Variants in FAM241A observed in about 807,000 individuals in gnomAD.
The protein encoded by FAM241A is family with sequence similarity 241 member A, also known as uncharacterized protein FAM241A.
A neutral mutation model predicts 12.2 loss-of-function variants in FAM241A; 7 were observed. The observed-to-expected ratio is 0.58, with a 90% confidence interval of 0.33 to 1.08. The LOEUF (loss-of-function observed/expected upper bound fraction) is 1.08. Among genes scored for constraint, FAM241A ranks in the 50% least tolerant of loss-of-function variants. The probability of loss-of-function intolerance (pLI) is 0.04; values close to 1 mark genes in which losing one functional copy is unlikely to be tolerated. For missense variants in FAM241A, 161 were observed against 169.7 expected, an observed-to-expected ratio of 0.95 and a Z score of 0.29; for synonymous variants, 74 against 68.2, an observed-to-expected ratio of 1.08 and a Z score of -0.42.
At chr4:112,159,641 A>G (rs1723420766) in intron 1 of FAM241A, among the ~76,000 whole-genome samples, 1 of 147,224 alleles carries the variant, frequency 6.8e-6, no homozygotes, top group South Asian at 2.1e-4. Flanking sequence ...CAAATCAATC[A>G]ATGTGATGTA....
At chr4:112,161,393 A>G (rs1723465522) in intron 1 of FAM241A, among the ~76,000 whole-genome samples, 1 of 152,222 alleles carries the variant, frequency 6.6e-6, no homozygotes. Context: ...GAAAAGATCA[A>G]CAAAATTGAT....
Position 112,145,585 on chromosome 4 carries a change from G to A in FAM241A, c.5G>A (p.Cys2Tyr). Residue 2 changes from cysteine to tyrosine, a missense_variant, in exon 1 of 2, where the codon TGC becomes TAC. Coordinates refer to ENST00000309733, the MANE Select transcript of FAM241A (RefSeq NM_152400.3). ...GCGGTAGGAGTTGGCTGCGGGATGT[G>A]CTCAGCCGGGGAGCTGCTGCGGGGC... The part of the protein sequence containing the change: M[C>Y]SAGELLRGGD... 8.0e-7 allele frequency: 1 copy of A among 1,248,108 alleles called. No homozygotes were observed. The highest frequency in any genetic ancestry group is 3.2e-4 in the Middle Eastern group (1 of 3,146). The allele number at this position is 1,248,108 out of a possible 1,614,324, so 77.3% of individuals were successfully genotyped here.
intron 1 of FAM241A, among the ~76,000 whole-genome samples, chr4:112,165,350 C>T (rs1723572085): frequency 6.6e-6 from 1 of 152,102 alleles, no homozygotes; most frequent in African/African-American, 2.4e-5. Context: ...TTTGGAGGTT[C>T]CTCAAAAAAC....
chr4:112,194,045 C>T lies in FAM241A; in HGVS notation c.*7107C>T, dbSNP rs1344372406. 7.0e-6 allele frequency: 1 copy of T among 143,624 alleles called. No homozygotes were observed. Among genetic ancestry groups the T allele is most frequent in the Non-Finnish European group, 1.5e-5 (1 of 66,430 alleles). 8.9% of individuals were successfully genotyped at this position (143,624 alleles called of 1,614,324 possible). A position where few individuals can be genotyped will look rare whatever the true frequency, so the allele number is the denominator to read the frequency against. ...TCATTGAGCAGTGGTTTGTAGTTCT[C>T]CTTGAAGAGGTCCTTCACGTCCCTT... On this transcript the variant is annotated 3_prime_UTR_variant, in exon 2 of 2. Coordinates refer to ENST00000309733, the MANE Select transcript of FAM241A (RefSeq NM_152400.3).
chr4:112,172,781 A>G (rs1723749359), intron 1 of FAM241A, among the ~76,000 whole-genome samples: 1 of 152,264 alleles, frequency 6.6e-6, no homozygotes, highest in Non-Finnish European at 1.5e-5. Context: ...TTAAAGCCAA[A>G]TAATTATAAA....
intron 1 of FAM241A, among the ~76,000 whole-genome samples, chr4:112,147,143 A>AC (rs1456672249): frequency 6.6e-6 from 1 of 152,252 alleles, no homozygotes; most frequent in African/African-American, 2.4e-5. Context: ...GATTATGTAG[A>AC]CATCACTAAT....
chr4:112,160,313 G>A (rs559771226), intron 1 of FAM241A, among the ~76,000 whole-genome samples: 4 of 150,820 alleles, frequency 2.7e-5, no homozygotes, highest in South Asian at 4.2e-4. Context: ...AGGCCGAGAC[G>A]AGAATCACTT....
At chr4:112,165,140 G>T (rs559976100) in intron 1 of FAM241A, among the ~76,000 whole-genome samples, 4 of 152,216 alleles carry the variant, frequency 2.6e-5, no homozygotes, top group Admixed American at 1.3e-4. Flanking sequence ...TGGCAAACAG[G>T]CATATGAAAA....
At chr4:112,153,740 C>G (rs1179656541) in intron 1 of FAM241A, among the ~76,000 whole-genome samples, 1 of 152,156 alleles carries the variant, frequency 6.6e-6, no homozygotes, top group Non-Finnish European at 1.5e-5. Flanking sequence ...GGCTTTATTT[C>G]TTGCTGTTTT....
intron 1 of FAM241A, among the ~76,000 whole-genome samples, chr4:112,184,369 A>ACT (rs1352874388): frequency 6.6e-6 from 1 of 152,194 alleles, no homozygotes; most frequent in African/African-American, 2.4e-5. Context: ...GTCTCTAGTA[A>ACT]ATACAAAAGA....
At chr4:112,179,756 T>C (rs1723891634) in intron 1 of FAM241A, among the ~76,000 whole-genome samples, 8 of 149,676 alleles carry the variant, frequency 5.3e-5, no homozygotes, top group Admixed American at 5.3e-4. Context: ...GGGCTACCAT[T>C]TGACCCAGCA....
intron 1 of FAM241A, among the ~76,000 whole-genome samples, chr4:112,173,052 T>TAA (rs1388380042): frequency 6.6e-6 from 1 of 152,140 alleles, no homozygotes; most frequent in African/African-American, 2.4e-5. Flanking sequence ...CATACCCCGC[T>TAA]AACTTCTGTA....
At chr4:112,150,325 G>A (rs1377709295) in intron 1 of FAM241A, among the ~76,000 whole-genome samples, 1 of 151,966 alleles carries the variant, frequency 6.6e-6, no homozygotes, top group Non-Finnish European at 1.5e-5. Flanking sequence ...GTGGTTTCTA[G>A]CTATTGGCTT....
chr4:112,167,240 T>G (rs1454664778), intron 1 of FAM241A, among the ~76,000 whole-genome samples: 1 of 152,062 alleles, frequency 6.6e-6, no homozygotes, highest in Non-Finnish European at 1.5e-5. Context: ...TTAGAGAAGA[T>G]GAACTCTCCA....
At chr4:112,166,475 T>C (rs555279446) in intron 1 of FAM241A, among the ~76,000 whole-genome samples, 1 of 152,212 alleles carries the variant, frequency 6.6e-6, no homozygotes, top group South Asian at 2.1e-4. Flanking sequence ...ATTTAGAAAT[T>C]TGATTATTTG....
intron 1 of FAM241A, among the ~76,000 whole-genome samples, chr4:112,182,518 T>C (rs1031272627): frequency 1.1e-4 from 17 of 150,246 alleles, no homozygotes; most frequent in African/African-American, 2.2e-4. Flanking sequence ...AAAAAAAAAA[T>C]AGAAATGCAC....
intron 1 of FAM241A, among the ~76,000 whole-genome samples, chr4:112,147,158 G>T (rs965057493): frequency 2.6e-5 from 4 of 152,210 alleles, no homozygotes; most frequent in African/African-American, 9.7e-5. Flanking sequence ...ACTAATAGTT[G>T]TGGTCTTTCC....
chr4:112,186,947 C>A lies in FAM241A; in HGVS notation c.*9C>A. The A allele has an allele frequency of 6.2e-7, 1 of 1,602,902 alleles. No homozygotes were observed. The highest frequency in any genetic ancestry group is 8.5e-7 in the Non-Finnish European group (1 of 1,173,102). On this transcript the variant is annotated 3_prime_UTR_variant, in exon 2 of 2. Coordinates refer to ENST00000309733, the MANE Select transcript of FAM241A (RefSeq NM_152400.3). ...TTTATGTGCAACAGTAAAACATGGC[C>A]GAATTGAATTGTTTGACATTTGGTA...
chr4:112,169,046 G>A (rs1723658516), intron 1 of FAM241A, among the ~76,000 whole-genome samples: 1 of 152,150 alleles, frequency 6.6e-6, no homozygotes, highest in Non-Finnish European at 1.5e-5. Context: ...AAGCAAAATA[G>A]TCTTCAATCT....
Sources: gnomAD v4.1 joint callset for allele counts (sites outside exome capture counted in the v4.1 genomes callset) on GRCh38, gnomAD v4.1.1 for gene constraint, MANE v1.5 for transcripts, NCBI Gene and HGNC (gene_info 2026-07-23, HGNC 2026-07-21) for gene names.